The following GARNL3 variants were observed in gnomAD, a reference collection of about 807,000 sequenced individuals.
The protein encoded by GARNL3 is GTPase activating Rap/RanGAP domain like 3.
In GARNL3, 63 loss-of-function variants were observed where a neutral mutation model predicts 125.0. That is an observed-to-expected ratio of 0.50 (90% CI 0.41 to 0.62). The LOEUF (loss-of-function observed/expected upper bound fraction) is 0.62, where lower values mean the gene tolerates loss of function less well. GARNL3 is among the 20% of genes least tolerant of loss of function. GARNL3 has a pLI of 0.00. For synonymous variants in GARNL3, 439 were observed against 457.5 expected, an observed-to-expected ratio of 0.96 and a Z score of 0.52; for missense variants, 994 against 1,244.0, an observed-to-expected ratio of 0.80 and a Z score of 3.02.
chr9:127,270,856 G>A (rs904609836), intron 1 of GARNL3, among the ~76,000 whole-genome samples: 2 of 151,982 alleles, frequency 1.3e-5, no homozygotes, highest in African/African-American at 4.8e-5. Flanking sequence ...CAGTCCCCAT[G>A]GTTTACATGG....
Position 127,336,151 on chromosome 9 carries a change from A to G in GARNL3, c.897A>G (p.Gly299=). ...AGGTGGAAAGGAAACGCCACATTGG[A>G]AACGATATCGTCACCATTGTGTTCC... The part of the protein sequence containing the change: ...KQQVERKRHI[G]NDIVTIVFQE... Residue 299 remains glycine, a synonymous_variant, in exon 11 of 28, where the codon GGA becomes GGG. Coordinates refer to ENST00000373387, the MANE Select transcript of GARNL3 (RefSeq NM_032293.5). 6.2e-7 allele frequency: 1 copy of G among 1,613,824 alleles called. No homozygotes were observed. Among genetic ancestry groups the G allele is most frequent in the Non-Finnish European group, 8.5e-7 (1 of 1,179,750 alleles).
chr9:127,299,568 G>A (rs2064718834), intron 2 of GARNL3, among the ~76,000 whole-genome samples: 1 of 151,610 alleles, frequency 6.6e-6, no homozygotes, highest in South Asian at 2.1e-4. Context: ...TTTTGTTTTT[G>A]TTTTTGTTTT....
chr9:127,324,963 T>C, intron 6 of GARNL3, 106 bp from the exon 7 acceptor site: 3 of 1,166,142 alleles, frequency 2.6e-6, no homozygotes, highest in Non-Finnish European at 2.5e-6. Flanking sequence ...TTAAAATTAT[T>C]TTCAAAATGT....
intron 4 of GARNL3, among the ~76,000 whole-genome samples, chr9:127,316,623 C>T (rs1564911923): frequency 6.6e-6 from 1 of 152,158 alleles, no homozygotes; most frequent in Non-Finnish European, 1.5e-5. Context: ...AAAATTTAAT[C>T]TCTGTAGCAC....
At chr9:127,371,876 T>C (rs1454296898) in intron 22 of GARNL3, among the ~76,000 whole-genome samples, 1 of 152,238 alleles carries the variant, frequency 6.6e-6, no homozygotes, top group Non-Finnish European at 1.5e-5. Flanking sequence ...GGCAGTTCAA[T>C]AGCAAAATAA....
intron 1 of GARNL3, 102 bp from the exon 2 acceptor site, chr9:127,291,066 C>T: frequency 8.3e-7 from 1 of 1,205,390 alleles, no homozygotes; most frequent in Non-Finnish European, 1.2e-6. Context: ...AGGCTGGGCA[C>T]TCCAGCCTGT....
rs557597321 is a variant in GARNL3, at chr9:127,347,906, C to G, written c.1432-1018C>G. Among the ~76,000 whole-genome samples the G allele has an allele frequency of 4.6e-5, 7 of 152,196 alleles. 1 individual carries two copies. Among genetic ancestry groups the G allele is most frequent in the Admixed American group, 1.3e-4 (2 of 15,294 alleles). ...GTGCATTTCCTAAAGGGAGAGCATC[C>G]TTTCCTTTTCTAAGAGAGCAGTAAC... On this transcript the variant is annotated intron_variant, in intron 16 of 27. Coordinates refer to ENST00000373387, the MANE Select transcript of GARNL3 (RefSeq NM_032293.5).
chr9:127,248,596 C>CTGTTTTTTTTT (rs2063343269), intron 2 of GARNL3, among the ~76,000 whole-genome samples: 1 of 74,590 alleles, frequency 1.3e-5, no homozygotes, highest in Non-Finnish European at 2.4e-5. Context: ...TTTTTCTTTT[C>CTGTTTTTTTTT]TTTTTTTTTT....
In GARNL3 at chr9:127,384,391, G is replaced by A. The variant is rs970533582; in HGVS notation, c.2270-636G>A. On this transcript the variant is annotated intron_variant, in intron 23 of 27. Transcript: ENST00000373387. This position sits in a 1 kb window ranked among gnomAD's most constrained non-coding sequence, Gnocchi z 4.0. Reference sequence around the variant, plus strand: ...GACAACACGAAGTGCCAGGAAGAAAGAGGTGTGCCCCAGGGCAGCCAGGGC... The same window carrying A: ...GACAACACGAAGTGCCAGGAAGAAAAAGGTGTGCCCCAGGGCAGCCAGGGC... Among the ~76,000 whole-genome samples, 1 of 152,172 alleles carries A rather than the reference G, an allele frequency of 6.6e-6. No homozygotes were observed. Among genetic ancestry groups the A allele is most frequent in the African/African-American group, 2.4e-5 (1 of 41,428 alleles).
At chr9:127,386,931 G>A (rs913960549) in intron 24 of GARNL3, among the ~76,000 whole-genome samples, 2 of 152,238 alleles carry the variant, frequency 1.3e-5, no homozygotes, top group African/African-American at 4.8e-5. Context: ...GATGTGTGGT[G>A]GAACACTGAC....
rs1349850342 is a variant in GARNL3, at chr9:127,385,527, G to A, written c.2388+382G>A. Among the ~76,000 whole-genome samples, 1 of 152,176 alleles carries A rather than the reference G, an allele frequency of 6.6e-6. No individual in the cohort carries two copies. Among genetic ancestry groups the A allele is most frequent in the Non-Finnish European group, 1.5e-5 (1 of 68,032 alleles). On this transcript the variant is annotated intron_variant, in intron 24 of 27. Transcript: ENST00000373387. This position sits in a 1 kb window ranked among gnomAD's most constrained non-coding sequence, Gnocchi z 4.1. ...CTTCCTTTCCCACCCTCTATCCTCAGTTTGAATTCTTAGCCTATGAAACAT... is the reference window on the plus strand; with the variant it reads ...CTTCCTTTCCCACCCTCTATCCTCAATTTGAATTCTTAGCCTATGAAACAT...
upstream of GARNL3, among the ~76,000 whole-genome samples, chr9:127,263,069 G>T (rs1461462893): frequency 6.6e-6 from 1 of 152,224 alleles, no homozygotes; most frequent in Non-Finnish European, 1.5e-5. Context: ...GTAATATGGG[G>T]GAAGAGAAGG....
intron 4 of GARNL3, among the ~76,000 whole-genome samples, chr9:127,316,589 G>A (rs971278054): frequency 3.9e-5 from 6 of 151,916 alleles, no homozygotes; most frequent in Non-Finnish European, 5.9e-5. Flanking sequence ...TATTTCTATC[G>A]TAATATTCAT....
chr9:127,226,989 G>A (rs1305717762), intron 1 of GARNL3, among the ~76,000 whole-genome samples: 1 of 152,230 alleles, frequency 6.6e-6, no homozygotes. Flanking sequence ...GTCTGTTACG[G>A]TAGCCTCTAG....
chr9:127,294,513 A>G (rs1340630916), intron 2 of GARNL3, among the ~76,000 whole-genome samples: 1 of 152,322 alleles, frequency 6.6e-6, no homozygotes, highest in Non-Finnish European at 1.5e-5. Flanking sequence ...CATGTTGGCT[A>G]GGCTGGTCTC....
chr9:127,294,572 G>A (rs1259139918), intron 2 of GARNL3, among the ~76,000 whole-genome samples: 1 of 152,178 alleles, frequency 6.6e-6, no homozygotes, highest in Non-Finnish European at 1.5e-5. Flanking sequence ...AACATGCTGG[G>A]ATTACAGGCA....
rs185240001 is a variant in GARNL3, at chr9:127,312,347, C to T, written c.319+612C>T. On this transcript the variant is annotated intron_variant, in intron 3 of 27. Coordinates refer to ENST00000373387, the MANE Select transcript of GARNL3 (RefSeq NM_032293.5). ...CTAGCTACTCTCCATTTCTCTGAGA[C>T]GCAGTTTTCCTTTCTGTAAAGTGGA... Among the ~76,000 whole-genome samples, 170 of 152,172 alleles carry T rather than the reference C, an allele frequency of 1.1e-3. 1 individual carries two copies. The highest frequency in any genetic ancestry group is 1.7e-3 in the Non-Finnish European group (119 of 68,006).
At chr9:127,261,785 G>T (rs1012653828), upstream of GARNL3, among the ~76,000 whole-genome samples, 1 of 152,180 alleles carries the variant, frequency 6.6e-6, no homozygotes, top group Non-Finnish European at 1.5e-5. Flanking sequence ...TTTGGCCAGA[G>T]CTGTTATTGT....
intron 17 of GARNL3, among the ~76,000 whole-genome samples, chr9:127,350,097 T>C (rs933140697): frequency 1.3e-5 from 2 of 152,228 alleles, no homozygotes; most frequent in African/African-American, 4.8e-5. Flanking sequence ...CTGTTATTTT[T>C]GATATGTGTT....
Sources: allele counts gnomAD v4.1 joint callset (sites outside exome capture counted in the v4.1 genomes callset), GRCh38; gene constraint gnomAD v4.1.1; non-coding constraint Gnocchi (gnomAD v3.1); transcripts MANE v1.5; gene names NCBI Gene and HGNC (gene_info 2026-07-23, HGNC 2026-07-21).